The following ACBD6 variants were observed in gnomAD, a reference collection of about 807,000 sequenced individuals.
ACBD6 encodes the protein acyl-CoA binding domain containing 6, also known as acyl-CoA-binding domain-containing protein 6.
A neutral mutation model predicts 37.2 loss-of-function variants in ACBD6; 28 were observed. The observed-to-expected ratio is 0.75, with a 90% CI of 0.56 to 1.03. The LOEUF is 1.03. Ranked by LOEUF, ACBD6 falls within the 50% of genes least tolerant of loss-of-function variation. The pLI is 0.00. For missense variants in ACBD6, 340 were observed against 337.4 expected (o/e 1.01, Z -0.06); for synonymous variants, 113 against 126.8 (o/e 0.89, Z 0.73).
intron 3 of ACBD6, among the ~76,000 whole-genome samples, chr1:180,445,766 GAAAAA>G (rs567722269): frequency 1.4e-5 from 2 of 141,702 alleles, no homozygotes; most frequent in South Asian, 4.5e-4. Context: ...CTCTACAAAA[GAAAAA>G]AAAAAGATTT....
At chr1:180,500,132 T>TAA (rs778814281) in intron 1 of ACBD6, among the ~76,000 whole-genome samples, 402 of 133,312 alleles carry the variant, frequency 3.0e-3, no homozygotes, top group African/African-American at 9.8e-3. Flanking sequence ...CTTTTTTAGT[T>TAA]AAAAAAAAAA....
At chr1:180,328,874 T>G (rs1651363521) in intron 6 of ACBD6, among the ~76,000 whole-genome samples, 1 of 152,162 alleles carries the variant, frequency 6.6e-6, no homozygotes, top group Non-Finnish European at 1.5e-5. Context: ...AGCTTTCAGC[T>G]GCAGGTTCTA....
chr1:180,407,609 T>G (rs1251802546), intron 5 of ACBD6, among the ~76,000 whole-genome samples: 1 of 152,164 alleles, frequency 6.6e-6, no homozygotes, highest in Non-Finnish European at 1.5e-5. Flanking sequence ...TTATCCTTCT[T>G]TTTCTTCTTT....
At chr1:180,388,861 G>A (rs954148230) in intron 6 of ACBD6, among the ~76,000 whole-genome samples, 4 of 152,120 alleles carry the variant, frequency 2.6e-5, no homozygotes, top group African/African-American at 9.7e-5. Flanking sequence ...CAAAAGAAGT[G>A]TAAGACTTGT....
chr1:180,395,428 G>T (rs192145125), intron 6 of ACBD6, among the ~76,000 whole-genome samples: 30 of 152,068 alleles, frequency 2.0e-4, no homozygotes, highest in East Asian at 9.6e-4. Flanking sequence ...ATTTAATGAT[G>T]ATATTACCAT....
rs527750544 is a variant in ACBD6 at position 180,411,962 on chromosome 1, G to A, written c.573+1404C>T. Among the ~76,000 whole-genome samples the A allele has an allele frequency of 2.0e-5, 3 of 152,024 alleles. 1 individual carries two copies. The highest frequency in any genetic ancestry group is 4.2e-4 in the South Asian group (2 of 4,816). On this transcript the variant is annotated intron_variant, in intron 5 of 7. Transcript: ENST00000367595. ...TGGGATTACAGGCGTGAGCCACCGC[G>A]TCTGGCCAGTAAACACAACTTTTAT...
intron 6 of ACBD6, among the ~76,000 whole-genome samples, chr1:180,315,045 A>C (rs921116699): frequency 6.6e-6 from 1 of 151,974 alleles, no homozygotes; most frequent in Non-Finnish European, 1.5e-5. Context: ...AGAAAAATTG[A>C]CACTATGTCT....
intron 4 of ACBD6, among the ~76,000 whole-genome samples, chr1:180,419,437 T>A (rs1319007088): frequency 6.6e-6 from 1 of 152,190 alleles, no homozygotes; most frequent in South Asian, 2.1e-4. Flanking sequence ...ATTTAAATAA[T>A]GGTGTGCAGG....
chr1:180,318,890 AG>A (rs2149293501), intron 6 of ACBD6, among the ~76,000 whole-genome samples: 1 of 152,294 alleles, frequency 6.6e-6, no homozygotes, highest in East Asian at 1.9e-4. Flanking sequence ...ACTATTTTAA[AG>A]CTTCCTATTT....
At chr1:180,427,917 T>TAAA (rs1210897980) in intron 4 of ACBD6, among the ~76,000 whole-genome samples, 3 of 112,214 alleles carry the variant, frequency 2.7e-5, no homozygotes, top group Admixed American at 1.9e-4. Context: ...AGACTCTGTC[T>TAAA]CAAAAAAAAA....
intron 6 of ACBD6, among the ~76,000 whole-genome samples, chr1:180,358,098 T>A (rs1470117409): frequency 6.6e-6 from 1 of 152,192 alleles, no homozygotes; most frequent in African/African-American, 2.4e-5. Flanking sequence ...ACATTCTACA[T>A]GTCTGCAACT....
At chr1:180,424,051 G>T (rs193086943) in intron 4 of ACBD6, among the ~76,000 whole-genome samples, 85 of 152,188 alleles carry the variant, frequency 5.6e-4, no homozygotes, top group Middle Eastern at 3.4e-3. Context: ...AATTTTAACT[G>T]AAGATACTCA....
chr1:180,476,913 T>C (rs1007470467), intron 3 of ACBD6, among the ~76,000 whole-genome samples: 1 of 151,898 alleles, frequency 6.6e-6, no homozygotes, highest in African/African-American at 2.4e-5. Flanking sequence ...TGTGAAAATA[T>C]CCAATGAATA....
chr1:180,385,138 A>C (rs567981373), intron 6 of ACBD6, among the ~76,000 whole-genome samples: 1 of 152,072 alleles, frequency 6.6e-6, no homozygotes, highest in Non-Finnish European at 1.5e-5. Context: ...ATTTCAAGGC[A>C]GTTAGAAGAG....
intron 3 of ACBD6, among the ~76,000 whole-genome samples, chr1:180,432,491 G>A (rs1331756314): frequency 9.2e-5 from 14 of 151,582 alleles, no homozygotes; most frequent in Admixed American, 7.2e-4. Context: ...GCAAATAAGC[G>A]AGTGACAAGA....
chr1:180,304,364 T>C (rs1176034208), intron 7 of ACBD6, among the ~76,000 whole-genome samples: 1 of 150,888 alleles, frequency 6.6e-6, no homozygotes, highest in African/African-American at 2.4e-5. Context: ...AACCCCATTG[T>C]CTCAGCCCAA....
At chr1:180,351,118 AAATAT>A (rs1652397880) in intron 6 of ACBD6, among the ~76,000 whole-genome samples, 1 of 152,212 alleles carries the variant, frequency 6.6e-6, no homozygotes, top group African/African-American at 2.4e-5. Flanking sequence ...TAATCCTATG[AAATAT>A]AATATAGGTG....
chr1:180,496,931 AG>A (rs1251838880), intron 1 of ACBD6, among the ~76,000 whole-genome samples: 1 of 152,154 alleles, frequency 6.6e-6, no homozygotes, highest in Non-Finnish European at 1.5e-5. Flanking sequence ...GAAGCTCAGG[AG>A]GGTTGTCTCA....
At chr1:180,294,415 A>G (rs1465998341) in intron 7 of ACBD6, among the ~76,000 whole-genome samples, 1 of 151,834 alleles carries the variant, frequency 6.6e-6, no homozygotes, top group Admixed American at 6.6e-5. Flanking sequence ...GCGCATTCCT[A>G]TAATACCAGC....
Sources: gnomAD v4.1 joint callset for allele counts (sites outside exome capture counted in the v4.1 genomes callset) on GRCh38, gnomAD v4.1.1 for gene constraint, MANE v1.5 for transcripts, NCBI Gene and HGNC (gene_info 2026-07-23, HGNC 2026-07-21) for gene names.